Variants in SIPA1L3 observed in about 807,000 individuals in gnomAD.
The protein encoded by SIPA1L3 is signal induced proliferation associated 1 like 3.
In SIPA1L3, 59 loss-of-function variants were observed where a neutral mutation model predicts 150.1. That is an observed-to-expected ratio of 0.39 (90% CI 0.32 to 0.49). SIPA1L3 has a LOEUF of 0.49. SIPA1L3 is among the 20% of genes least tolerant of loss of function. The pLI, the probability that SIPA1L3 is intolerant of heterozygous loss-of-function variation, is 0.86. For synonymous variants in SIPA1L3, 1,070 were observed against 1,077.6 expected (o/e 0.99, Z 0.14); for missense variants, 2,211 against 2,489.5 (o/e 0.89, Z 2.38).
intron 1 of SIPA1L3, among the ~76,000 whole-genome samples, chr19:37,996,107 G>A (rs1461311204): frequency 6.6e-6 from 1 of 152,176 alleles, no homozygotes; most frequent in East Asian, 1.9e-4. Context: ...GGATGTGTGT[G>A]TGTAGAGATG....
intron 1 of SIPA1L3, among the ~76,000 whole-genome samples, chr19:37,919,422 A>T (rs564663283): frequency 6.6e-5 from 10 of 152,322 alleles, no homozygotes; most frequent in Admixed American, 3.3e-4. Flanking sequence ...TGGGGTAGGT[A>T]CTGTTGTTAT....
intron 2 of SIPA1L3, among the ~76,000 whole-genome samples, chr19:38,079,696 C>A (rs1036583505): frequency 6.6e-6 from 1 of 152,010 alleles, no homozygotes; most frequent in Non-Finnish European, 1.5e-5. Context: ...GCTGGGACTA[C>A]AGGCACATGC....
chr19:38,074,962 G>A (rs1206351561), intron 2 of SIPA1L3, among the ~76,000 whole-genome samples: 3 of 152,128 alleles, frequency 2.0e-5, no homozygotes, highest in Non-Finnish European at 4.4e-5. Context: ...TCAAACTCCT[G>A]GGCTCAAACA....
chr19:38,035,940 C>A (rs1326456748), intron 2 of SIPA1L3, among the ~76,000 whole-genome samples: 1 of 152,174 alleles, frequency 6.6e-6, no homozygotes, highest in Non-Finnish European at 1.5e-5. Context: ...CAGCCCTGAG[C>A]TGGCACAGGC....
chr19:38,103,079 C>T (rs979601280), intron 6 of SIPA1L3, among the ~76,000 whole-genome samples: 1 of 150,736 alleles, frequency 6.6e-6, no homozygotes, highest in Admixed American at 6.6e-5. Flanking sequence ...GCCAAGACCG[C>T]ACCATTGCAC....
intron 8 of SIPA1L3, among the ~76,000 whole-genome samples, chr19:38,113,543 A>C (rs901958475): frequency 1.3e-5 from 2 of 151,968 alleles, no homozygotes; most frequent in African/African-American, 4.8e-5. Context: ...GCTTGAGCCC[A>C]GGAAGTCAAG....
At chr19:38,205,734 C>G (rs1973195912) in intron 21 of SIPA1L3, among the ~76,000 whole-genome samples, 1 of 152,162 alleles carries the variant, frequency 6.6e-6, no homozygotes, top group Non-Finnish European at 1.5e-5. Flanking sequence ...GGCTGGGGTC[C>G]TCTTCCAGGA....
intron 15 of SIPA1L3, among the ~76,000 whole-genome samples, chr19:38,166,164 A>G (rs1028702097): frequency 6.6e-6 from 1 of 152,016 alleles, no homozygotes; most frequent in Non-Finnish European, 1.5e-5. Context: ...AGAGAGAAAG[A>G]GTAGGCATTG....
chr19:38,178,525 G>T (rs951723223), intron 15 of SIPA1L3, among the ~76,000 whole-genome samples: 5 of 152,144 alleles, frequency 3.3e-5, no homozygotes, highest in African/African-American at 1.2e-4. Flanking sequence ...GCCCAGGCTG[G>T]AGTGCAATGG....
At chr19:37,941,122 A>ACT (rs2046653184) in intron 1 of SIPA1L3, among the ~76,000 whole-genome samples, 2 of 147,518 alleles carry the variant, frequency 1.4e-5, no homozygotes, top group East Asian at 4.0e-4. Context: ...ACACACACAC[A>ACT]CTGTTTCTTT....
chr19:37,987,056 T>C (rs1967372874), intron 1 of SIPA1L3, among the ~76,000 whole-genome samples: 1 of 152,008 alleles, frequency 6.6e-6, no homozygotes, highest in African/African-American at 2.4e-5. Flanking sequence ...ACCTCCCGAG[T>C]AGCTGGGATT....
At chr19:38,141,822 A>T (rs1971592640) in intron 11 of SIPA1L3, among the ~76,000 whole-genome samples, 1 of 152,130 alleles carries the variant, frequency 6.6e-6, no homozygotes, top group African/African-American at 2.4e-5. Context: ...TCTATAAAAA[A>T]CATTTATTAA....
intron 1 of SIPA1L3, among the ~76,000 whole-genome samples, chr19:37,975,027 A>C (rs1355589521): frequency 6.6e-6 from 1 of 152,184 alleles, no homozygotes; most frequent in Admixed American, 6.5e-5. Context: ...AATGCAAAAA[A>C]AAGTAGTTAA....
chr19:38,107,586 A>G (rs1358781945), intron 7 of SIPA1L3, among the ~76,000 whole-genome samples: 1 of 152,244 alleles, frequency 6.6e-6, no homozygotes, highest in Admixed American at 6.5e-5. Context: ...TTAGGAAGTA[A>G]GTGTACGTAT....
At chr19:38,192,332 G>A (rs779873607) in intron 17 of SIPA1L3, 22 bp downstream of exon 17, 39 of 1,561,340 alleles carry the variant, frequency 2.5e-5, no homozygotes, top group East Asian at 9.3e-5. Flanking sequence ...CCTGTCCCCC[G>A]CTCCCGACCC....
chr19:37,990,430 A>ATACC (rs1392102893), intron 1 of SIPA1L3, among the ~76,000 whole-genome samples: 1 of 152,154 alleles, frequency 6.6e-6, no homozygotes, highest in Non-Finnish European at 1.5e-5. Context: ...CGTGGGGTGA[A>ATACC]TACCTGTGGA....
intron 4 of SIPA1L3, among the ~76,000 whole-genome samples, chr19:38,094,215 A>G (rs1040016770): frequency 4.6e-5 from 7 of 152,120 alleles, no homozygotes; most frequent in East Asian, 1.9e-4. Flanking sequence ...TTTTTGTTCA[A>G]TAGGTACATC....
intron 4 of SIPA1L3, among the ~76,000 whole-genome samples, chr19:38,095,842 G>C (rs1970367539): frequency 6.6e-6 from 1 of 152,204 alleles, no homozygotes; most frequent in Non-Finnish European, 1.5e-5. Flanking sequence ...CCCGTCTCCA[G>C]GGAGGAAGAA....
At position 38,101,081 on chromosome 19, in the gene SIPA1L3, C is replaced by G. The variant is rs758666338; in HGVS notation, c.1884C>G (p.Leu628=). Residue 628 remains leucine (L), a synonymous_variant, in exon 6 of 22, where the codon CTC becomes CTG. Transcript: ENST00000222345. ...GCCGGAAGCACAAGGTGGGCATCCTCTATTGCAAGGCCGGCCAGAGCTCCG... is the reference window on the plus strand; with the variant it reads ...GCCGGAAGCACAAGGTGGGCATCCTGTATTGCAAGGCCGGCCAGAGCTCCG... ...GLCRKHKVGI[L]YCKAGQSSEE... 5 of 1,587,200 alleles carry G rather than the reference C, an allele frequency of 3.2e-6. No homozygotes were observed. In the South Asian group the frequency reaches 4.6e-5, roughly 14 times the overall value.
Sources: gnomAD v4.1 joint callset for allele counts (sites outside exome capture counted in the v4.1 genomes callset) on GRCh38, gnomAD v4.1.1 for gene constraint, MANE v1.5 for transcripts, NCBI Gene and HGNC (gene_info 2026-07-23, HGNC 2026-07-21) for gene names.